Variants in LINGO2 observed in about 807,000 individuals in gnomAD.
The protein encoded by LINGO2 is leucine rich repeat and Ig domain containing 2.
Under a neutral mutation model 30.6 loss-of-function variants are expected in LINGO2, and 14 were observed. The ratio of observed to expected loss-of-function variants is 0.46; its 90% CI spans 0.30 to 0.72. LINGO2 has a LOEUF of 0.72. LINGO2 is among the 30% of genes least tolerant of loss of function. LINGO2 has a pLI of 0.07. For missense variants in LINGO2, 729 were observed against 751.7 expected (o/e 0.97, Z 0.35); for synonymous variants, 317 against 288.5 (o/e 1.10, Z -1.00).
At chr9:28,048,066 T>C (rs1370693582) in intron 4 of LINGO2, among the ~76,000 whole-genome samples, 1 of 150,868 alleles carries the variant, frequency 6.6e-6, no homozygotes, top group Non-Finnish European at 1.5e-5. Flanking sequence ...TAAAACTGCA[T>C]GTACTGGCAG....
At chr9:28,003,896 G>A (rs555692316) in intron 5 of LINGO2, among the ~76,000 whole-genome samples, 1 of 152,260 alleles carries the variant, frequency 6.6e-6, no homozygotes, top group East Asian at 1.9e-4. Flanking sequence ...GGTTGGGACC[G>A]AGTTTGTCTT....
At chr9:28,736,273 T>G in the LINGO2 span, among the ~76,000 whole-genome samples, 4 of 152,284 alleles carry the variant, frequency 2.6e-5, no homozygotes, top group African/African-American at 9.6e-5. Context: ...CATAATTTTC[T>G]GAGTTTACCA....
At chr9:28,974,812 C>G in the LINGO2 span, among the ~76,000 whole-genome samples, 1 of 151,964 alleles carries the variant, frequency 6.6e-6, no homozygotes, top group South Asian at 2.1e-4. Flanking sequence ...TTCTTAGACA[C>G]TATTATCCCT....
At chr9:29,034,272 T>C in the LINGO2 span, among the ~76,000 whole-genome samples, 1 of 152,122 alleles carries the variant, frequency 6.6e-6, no homozygotes, top group Non-Finnish European at 1.5e-5. Flanking sequence ...ACATGTTCCA[T>C]TCATTTAAAT....
At chr9:28,642,262 T>G (rs1827627603) in intron 1 of LINGO2, among the ~76,000 whole-genome samples, 1 of 152,114 alleles carries the variant, frequency 6.6e-6, no homozygotes, top group Admixed American at 6.6e-5. Context: ...CAAATTTCAG[T>G]AAACATATTC....
At chr9:29,189,620 G>A in the LINGO2 span, among the ~76,000 whole-genome samples, 4 of 152,028 alleles carry the variant, frequency 2.6e-5, no homozygotes, top group Non-Finnish European at 4.4e-5. Context: ...GGTGGCGGCC[G>A]GGCAGAGGCT....
chr9:29,145,773 ATT>A, the LINGO2 span, among the ~76,000 whole-genome samples: 1 of 152,130 alleles, frequency 6.6e-6, no homozygotes, highest in Non-Finnish European at 1.5e-5. Flanking sequence ...GTTTTGTTTG[ATT>A]TTGTTTTCCA....
At chr9:28,833,930 C>T in the LINGO2 span, among the ~76,000 whole-genome samples, 1 of 152,232 alleles carries the variant, frequency 6.6e-6, no homozygotes, top group East Asian at 1.9e-4. Flanking sequence ...ATATCGCACT[C>T]ATAGATTGCA....
chr9:28,597,112 G>C (rs1480471140), intron 1 of LINGO2, among the ~76,000 whole-genome samples: 2 of 152,176 alleles, frequency 1.3e-5, no homozygotes, highest in African/African-American at 2.4e-5. Flanking sequence ...ATTTACAGTA[G>C]AGAGGTTGAC....
At chr9:28,695,369 T>C in the LINGO2 span, among the ~76,000 whole-genome samples, 1 of 151,884 alleles carries the variant, frequency 6.6e-6, no homozygotes, top group Non-Finnish European at 1.5e-5. Flanking sequence ...GGCAGGAAAA[T>C]AGGTACTCAT....
intron 4 of LINGO2, among the ~76,000 whole-genome samples, chr9:28,204,582 T>C (rs915578076): frequency 6.6e-6 from 1 of 152,180 alleles, no homozygotes; most frequent in Admixed American, 6.6e-5. Context: ...ATGTGCCTGG[T>C]GTATGGGAGT....
chr9:28,764,048 A>T, the LINGO2 span, among the ~76,000 whole-genome samples: 1 of 151,762 alleles, frequency 6.6e-6, no homozygotes, highest in African/African-American at 2.4e-5. Context: ...AACAACAACA[A>T]AAAAGAGCAA....
At chr9:29,102,348 T>C in the LINGO2 span, among the ~76,000 whole-genome samples, 3 of 152,194 alleles carry the variant, frequency 2.0e-5, no homozygotes, top group African/African-American at 7.2e-5. Context: ...CCCAAAGAGC[T>C]GGGATTACAG....
At chr9:28,840,353 G>A in the LINGO2 span, among the ~76,000 whole-genome samples, 1 of 151,864 alleles carries the variant, frequency 6.6e-6, no homozygotes, top group Non-Finnish European at 1.5e-5. Flanking sequence ...TTGGGCCACT[G>A]CTGCCATCAA....
chr9:29,055,938 G>GTATATATAAATATA, the LINGO2 span, among the ~76,000 whole-genome samples: 1 of 99,820 alleles, frequency 1.0e-5, no homozygotes, highest in Admixed American at 9.5e-5. Flanking sequence ...GTATGTGTGT[G>GTATATATAAATATA]TGTATATATA....
At chr9:28,856,585 G>T in the LINGO2 span, among the ~76,000 whole-genome samples, 7 of 152,074 alleles carry the variant, frequency 4.6e-5, no homozygotes, top group South Asian at 1.2e-3. Context: ...ATTAACTTCT[G>T]CAAATGTCCT....
At chr9:28,202,983 C>A (rs938490880) in intron 4 of LINGO2, among the ~76,000 whole-genome samples, 1 of 152,116 alleles carries the variant, frequency 6.6e-6, no homozygotes, top group Non-Finnish European at 1.5e-5. Context: ...TGGTTCACTA[C>A]AAATCTTAGT....
chr9:28,264,553 T>TGA (rs1359279549), intron 4 of LINGO2, among the ~76,000 whole-genome samples: 1 of 151,958 alleles, frequency 6.6e-6, no homozygotes, highest in Non-Finnish European at 1.5e-5. Context: ...CATGTTTGCA[T>TGA]GTCATCGGTG....
chr9:28,993,369 A>T, the LINGO2 span, among the ~76,000 whole-genome samples: 5 of 152,304 alleles, frequency 3.3e-5, no homozygotes, highest in Non-Finnish European at 7.3e-5. Flanking sequence ...TTGTGGCAAT[A>T]ATCAATAGCT....
Sources: gnomAD v4.1 joint callset for allele counts (sites outside exome capture counted in the v4.1 genomes callset) on GRCh38, gnomAD v4.1.1 for gene constraint, MANE v1.5 for transcripts, NCBI Gene and HGNC (gene_info 2026-07-23, HGNC 2026-07-21) for gene names.